Variants in EPHB1 observed in about 807,000 individuals in gnomAD.
EPHB1 encodes EPH receptor B1, also known as ephrin type-B receptor 1.
In EPHB1, 30 loss-of-function variants were observed where a neutral mutation model predicts 94.4. The observed-to-expected ratio is 0.32, with a 90% CI of 0.24 to 0.43. The LOEUF is 0.43. Among genes scored for constraint, EPHB1 ranks in the 20% least tolerant of loss-of-function variants. The pLI is 1.00. For missense variants in EPHB1, 1,055 were observed against 1,308.3 expected (o/e 0.81, Z 2.99); for synonymous variants, 522 against 489.1 (o/e 1.07, Z -0.89).
At chr3:134,930,403 G>A (rs1233287824) in intron 2 of EPHB1, among the ~76,000 whole-genome samples, 1 of 152,230 alleles carries the variant, frequency 6.6e-6, no homozygotes, top group East Asian at 1.9e-4. Flanking sequence ...GCTACCTGGT[G>A]AACAGAGGAA....
intron 3 of EPHB1, among the ~76,000 whole-genome samples, chr3:134,952,352 TTCTC>T (rs752162465): frequency 1.6e-4 from 24 of 148,598 alleles, no homozygotes; most frequent in East Asian, 7.8e-4. Context: ...TCTCTCTCTC[TTCTC>T]TCTCTCTCTC....
At chr3:135,243,466 G>A (rs1225169952) in intron 13 of EPHB1, among the ~76,000 whole-genome samples, 3 of 152,176 alleles carry the variant, frequency 2.0e-5, no homozygotes. Context: ...AAGAACATCT[G>A]TAGAGTAGCA....
At chr3:134,891,142 G>A (rs1001495246) in intron 1 of EPHB1, among the ~76,000 whole-genome samples, 22 of 152,156 alleles carry the variant, frequency 1.4e-4, no homozygotes, top group Admixed American at 2.6e-4. Flanking sequence ...GTCTTACTGC[G>A]TCACCCAGGC....
At chr3:135,033,426 G>GCT (rs1441047957) in intron 3 of EPHB1, among the ~76,000 whole-genome samples, 1 of 152,168 alleles carries the variant, frequency 6.6e-6, no homozygotes, top group Non-Finnish European at 1.5e-5. Context: ...ATAGGCAGCT[G>GCT]CTCTCTCTGA....
intron 7 of EPHB1, among the ~76,000 whole-genome samples, chr3:135,163,090 C>G (rs535830544): frequency 6.6e-6 from 1 of 152,324 alleles, no homozygotes; most frequent in South Asian, 2.1e-4. Flanking sequence ...ATAAAACAGT[C>G]TGTCCTTATA....
chr3:135,006,086 T>C (rs1360125188), intron 3 of EPHB1, among the ~76,000 whole-genome samples: 2 of 152,224 alleles, frequency 1.3e-5, no homozygotes, highest in African/African-American at 2.4e-5. Context: ...CCTTCCGCCA[T>C]GATTGTAAGT....
intron 1 of EPHB1, among the ~76,000 whole-genome samples, chr3:134,800,614 G>T (rs1194341220): frequency 2.0e-5 from 3 of 152,148 alleles, no homozygotes; most frequent in Non-Finnish European, 4.4e-5. Flanking sequence ...TGTGCTTCCT[G>T]GAAACACTGC....
intron 12 of EPHB1, among the ~76,000 whole-genome samples, chr3:135,234,984 G>T (rs1169986684): frequency 6.6e-6 from 1 of 151,900 alleles, no homozygotes; most frequent in African/African-American, 2.4e-5. Context: ...GGAAGACATT[G>T]CTCATCAACA....
At chr3:135,064,970 C>A (rs557485288) in intron 3 of EPHB1, among the ~76,000 whole-genome samples, 2 of 152,242 alleles carry the variant, frequency 1.3e-5, no homozygotes, top group South Asian at 4.1e-4. Flanking sequence ...ACCCAATGCT[C>A]ATTCAGGACA....
chr3:135,059,515 T>C (rs935984682), intron 3 of EPHB1, among the ~76,000 whole-genome samples: 1 of 152,062 alleles, frequency 6.6e-6, no homozygotes, highest in African/African-American at 2.4e-5. Context: ...GGCAGGAGAA[T>C]GATTACATGG....
chr3:135,024,036 C>T (rs1936059369), intron 3 of EPHB1, among the ~76,000 whole-genome samples: 1 of 152,134 alleles, frequency 6.6e-6, no homozygotes, highest in African/African-American at 2.4e-5. Flanking sequence ...AAAAGGGGCC[C>T]CGCTGCAACT....
rs150130816 is a variant in EPHB1 at position 135,093,030 on chromosome 3, G to A, written c.806-13418G>A. 7.0e-4 allele frequency among the ~76,000 whole-genome samples: 107 copies of A among 152,262 alleles called. 1 individual carries two copies. The highest frequency in any genetic ancestry group is 2.5e-3 in the African/African-American group (102 of 41,552). ...TACACTTCTGATTCCTGCGTATCTG[G>A]AATTCCTCACTCCGTGTCAATGGAC... On this transcript the variant is annotated intron_variant, in intron 3 of 15. Transcript: ENST00000398015.
chr3:135,051,251 A>G lies in EPHB1; in HGVS notation c.806-55197A>G, dbSNP rs574086075. On this transcript the variant is annotated intron_variant, in intron 3 of 15. Transcript: ENST00000398015. ...CTGGGGCTCTGTTATCTTACCTTTG[A>G]GAACTGCTATAAGGAAGGGAAATAA... Among the ~76,000 whole-genome samples, 3 of 152,212 alleles carry G rather than the reference A, an allele frequency of 2.0e-5. No homozygotes were observed. In the South Asian group the frequency reaches 6.2e-4, roughly 32 times the overall value.
intron 1 of EPHB1, among the ~76,000 whole-genome samples, chr3:134,919,687 G>A (rs2038641562): frequency 6.6e-6 from 1 of 152,162 alleles, no homozygotes; most frequent in Non-Finnish European, 1.5e-5. Context: ...CAGAGCATGT[G>A]CAGATCAGGT....
At position 135,168,052 on chromosome 3, in the gene EPHB1, G is replaced by A. The variant is rs181951687; in HGVS notation, c.1759+1046G>A. ...ACCCAAGGCGGGAAAGTGATGACAG[G>A]ATGTTCACAGCAGCAGCTGCACCAT... is the stretch of plus-strand genomic sequence containing the variant. On this transcript the variant is annotated intron_variant, in intron 9 of 15. Transcript: ENST00000398015. Among the ~76,000 whole-genome samples the A allele has an allele frequency of 4.7e-4, 72 of 152,334 alleles. 2 individuals are homozygous for A. The East Asian group carries it at 0.013, about 27-fold the overall frequency.
chr3:135,183,194 T>TTCCTCCCTC (rs1559865518), intron 10 of EPHB1, among the ~76,000 whole-genome samples: 38 of 136,776 alleles, frequency 2.8e-4, no homozygotes, highest in African/African-American at 8.8e-4. Context: ...CTTCCTCCCT[T>TTCCTCCCTC]CCTTCCTCCC....
intron 5 of EPHB1, among the ~76,000 whole-genome samples, chr3:135,134,196 C>T (rs1368438521): frequency 6.6e-6 from 1 of 152,192 alleles, no homozygotes; most frequent in African/African-American, 2.4e-5. Flanking sequence ...AGATTTTTCT[C>T]AATTAACAAA....
At chr3:134,835,658 A>C (rs927316831) in intron 1 of EPHB1, among the ~76,000 whole-genome samples, 1 of 152,216 alleles carries the variant, frequency 6.6e-6, no homozygotes, top group African/African-American at 2.4e-5. Context: ...CTGATTTATC[A>C]AGCCAGGTGG....
chr3:135,228,495 C>T (rs941450085), intron 12 of EPHB1, among the ~76,000 whole-genome samples: 1 of 152,108 alleles, frequency 6.6e-6, no homozygotes, highest in Non-Finnish European at 1.5e-5. Context: ...ACGAGATTTG[C>T]CCATTTTCAC....
Sources: allele counts gnomAD v4.1 joint callset (sites outside exome capture counted in the v4.1 genomes callset), GRCh38; gene constraint gnomAD v4.1.1; transcripts MANE v1.5; gene names NCBI Gene and HGNC (gene_info 2026-07-23, HGNC 2026-07-21).